KANK3: variants seen among roughly 807,000 people sequenced by gnomAD.
KANK3 encodes KN motif and ankyrin repeat domains 3.
A neutral mutation model predicts 65.4 loss-of-function variants in KANK3; 61 were observed. The observed-to-expected ratio is 0.93, with a 90% CI of 0.76 to 1.15. KANK3 has a LOEUF of 1.15. Ranked by LOEUF, KANK3 falls within the 50% of genes most tolerant of loss-of-function variation. The probability of loss-of-function intolerance (pLI) is 0.00; values close to 1 mark genes in which losing one functional copy is unlikely to be tolerated. For synonymous variants in KANK3, 586 were observed against 543.3 expected, an observed-to-expected ratio of 1.08 and a Z score of -1.09; for missense variants, 1,187 against 1,178.8, an observed-to-expected ratio of 1.01 and a Z score of -0.10.
chr19:8,337,144 T>C (rs1262204345), intron 2 of KANK3, among the ~76,000 whole-genome samples: 9 of 151,498 alleles, frequency 5.9e-5, no homozygotes, highest in African/African-American at 1.9e-4. Context: ...GCAATTCTCC[T>C]GCCTCAGCCT....
chr19:8,333,894 A>T lies in KANK3; in HGVS notation c.1634+16T>A. ...GCAGCCGCCTCCTCTCCAAACAACT[A>T]GCGAGCGCCGCTCACCTCCCCTGTG... is the stretch of plus-strand genomic sequence containing the variant. On this transcript the variant is annotated intron_variant, in intron 5 of 10. Transcript: ENST00000330915. The surrounding 1 kb of genome is among the most constrained non-coding windows in gnomAD (Gnocchi z 5.0). The T allele has an allele frequency of 6.4e-7, 1 of 1,572,028 alleles. No individual in the cohort carries two copies. Among genetic ancestry groups the T allele is most frequent in the Non-Finnish European group, 8.6e-7 (1 of 1,161,278 alleles).
intron 1 of KANK3, among the ~76,000 whole-genome samples, chr19:8,340,524 G>C (rs900104835): frequency 4.6e-5 from 7 of 151,888 alleles, no homozygotes; most frequent in Non-Finnish European, 8.8e-5. Flanking sequence ...CCACTGACAG[G>C]CATCTGCCAA....
chr19:8,328,432 CACTCA>C (rs1970466876), intron 7 of KANK3, among the ~76,000 whole-genome samples: 1 of 138,524 alleles, frequency 7.2e-6, no homozygotes, highest in Non-Finnish European at 1.6e-5. Context: ...CACACACACA[CACTCA>C]AAACTACACA....
At position 8,322,890 on chromosome 19, in the gene KANK3, T is replaced by C; in HGVS notation, c.2415A>G (p.Thr805=). The C allele has an allele frequency of 6.4e-7, 1 of 1,565,878 alleles. No homozygotes were observed. Among genetic ancestry groups the C allele is most frequent in the Non-Finnish European group, 8.6e-7 (1 of 1,156,370 alleles). ...SESPPGSQTA[T]PGEGECGDNG... Reference sequence around the variant, plus strand: ...TGTCACCGCATTCTCCTTCACCAGGTGTGGCTGTCTGGGAGCCAGGGGGTG... The same window carrying C: ...TGTCACCGCATTCTCCTTCACCAGGCGTGGCTGTCTGGGAGCCAGGGGGTG... Residue 805 remains threonine (T), a synonymous_variant, in exon 11 of 11, where the codon ACA becomes ACG. Coordinates refer to ENST00000330915, the MANE Select transcript of KANK3 (RefSeq NM_198471.3).
intron 8 of KANK3, 25 bp from the exon 9 acceptor site, chr19:8,324,855 A>T (rs1970394277): frequency 1.2e-6 from 2 of 1,604,744 alleles, no homozygotes; most frequent in Non-Finnish European, 1.7e-6. Flanking sequence ...GGAAGAGGGA[A>T]CAGGCTGGGG....
chr19:8,322,624 G>A lies in KANK3; in HGVS notation c.*215C>T, dbSNP rs1599636688. ...ATTAGCAAAGAAGTTTCAGAGAGTG[G>A]GTGGATCAGGGCTCTATCACTTGGT... On this transcript the variant is annotated 3_prime_UTR_variant, in exon 11 of 11. Coordinates refer to ENST00000330915, the MANE Select transcript of KANK3 (RefSeq NM_198471.3). 3 of 588,390 alleles carry A rather than the reference G, an allele frequency of 5.1e-6. No homozygotes were observed. The East Asian group carries it at 8.5e-5, about 17-fold the overall frequency. 36.4% of individuals were successfully genotyped at this position (588,390 alleles called of 1,614,324 possible). A position where few individuals can be genotyped will look rare whatever the true frequency, so the allele number is the denominator to read the frequency against.
intron 2 of KANK3, among the ~76,000 whole-genome samples, chr19:8,336,142 G>A (rs1346738846): frequency 6.6e-6 from 1 of 152,210 alleles, no homozygotes; most frequent in Non-Finnish European, 1.5e-5. Flanking sequence ...ACTTTCCTGT[G>A]GAGTGGAGCC....
At chr19:8,329,359 T>G (rs758134207) in intron 7 of KANK3, among the ~76,000 whole-genome samples, 9 of 149,112 alleles carry the variant, frequency 6.0e-5, no homozygotes, top group Non-Finnish European at 8.9e-5. Context: ...TGATGGCGCT[T>G]GCCAGTAATC....
Position 8,324,502 on chromosome 19 carries a change from C to T in KANK3, c.2329G>A (p.Glu777Lys). Residue 777 changes from glutamate to lysine, a missense_variant, in exon 10 of 11, where the codon GAG becomes AAG. Physicochemically the swap from Glu to Lys is moderately conservative, Grantham distance 56. Transcript: ENST00000330915. ...LAIALEAEQD[E>K]VAALLHAHLS... ...TGGGCATGTAGCAGAGCGGCCACCT[C>T]ATCCTGCTCAGCCTCCAGGGCGATG... The T allele has an allele frequency of 6.2e-7, 1 of 1,613,274 alleles. No individual in the cohort carries two copies. The highest frequency in any genetic ancestry group is 8.5e-7 in the Non-Finnish European group (1 of 1,179,684).
In KANK3 at chr19:8,322,719, T is replaced by C. The variant is rs1175842453; in HGVS notation, c.*120A>G. 1 of 738,184 alleles carries C rather than the reference T, an allele frequency of 1.4e-6. No homozygotes were observed. The highest frequency in any genetic ancestry group is 2.2e-6 in the Non-Finnish European group (1 of 448,944). 45.7% of individuals were successfully genotyped at this position (738,184 alleles called of 1,614,324 possible). Reference sequence around the variant, plus strand: ...CAGTCACCCCAACTGAAATTGCCTTTCTCTTCGGCCAGTGTTAGCCTCTGA... The same window carrying C: ...CAGTCACCCCAACTGAAATTGCCTTCCTCTTCGGCCAGTGTTAGCCTCTGA... On this transcript the variant is annotated 3_prime_UTR_variant, in exon 11 of 11. Transcript: ENST00000330915.
chr19:8,335,872 C>CCCACCCA (rs1399494518), intron 2 of KANK3, 80 bp from the exon 3 acceptor site: 21 of 934,426 alleles, frequency 2.2e-5, no homozygotes, highest in Non-Finnish European at 2.9e-5. Flanking sequence ...GAGCGTGTCC[C>CCCACCCA]CCACCCATGC....
At chr19:8,335,829 G>C (rs1970628487) in intron 2 of KANK3, 37 bp from the exon 3 acceptor site, 1 of 1,218,108 alleles carries the variant, frequency 8.2e-7, no homozygotes, top group Middle Eastern at 3.1e-4. Flanking sequence ...GGGCGCATCA[G>C]AACGGGGAAA....
At position 8,334,860 on chromosome 19, in the gene KANK3, G is replaced by A. The variant is rs1343143900; in HGVS notation, c.967C>T (p.Arg323Trp). Residue 323 changes from arginine to tryptophan, a missense_variant, in exon 3 of 11, where the codon CGG (arginine) becomes TGG (tryptophan). Physicochemically the swap from Arg to Trp is moderately radical, Grantham distance 101. This residue lies in a region of KANK3 where 1,078 missense variants were observed against 1,038.2 expected (regional missense o/e 1.04). Coordinates refer to ENST00000330915, the MANE Select transcript of KANK3 (RefSeq NM_198471.3). ...EAGAQAVPET[R>W]EAGVEAAPET... ...GGGGCAGCCTCCACGCCGGCCTCCC[G>A]GGTCTCCGGCACGGCCTGGGCACCC... 1.4e-6 allele frequency: 2 copies of A among 1,463,936 alleles called. No individual in the cohort carries two copies. Among genetic ancestry groups the A allele is most frequent in the African/African-American group, 3.0e-5 (2 of 67,326 alleles). 90.7% of individuals were successfully genotyped at this position (1,463,936 alleles called of 1,614,324 possible). A position where few individuals can be genotyped will look rare whatever the true frequency, so the allele number is the denominator to read the frequency against.
At chr19:8,325,164 C>T in intron 7 of KANK3, 68 bp from the exon 8 acceptor site, 2 of 1,505,688 alleles carry the variant, frequency 1.3e-6, no homozygotes, top group Non-Finnish European at 8.9e-7. Context: ...CACTCACCTC[C>T]CTGCAAGCCT....
In KANK3 at chr19:8,333,575, C is replaced by A. The variant is rs1970568965; in HGVS notation, c.1719+149G>T. 1.5e-6 allele frequency: 1 copy of A among 677,260 alleles called. No homozygotes were observed. The highest frequency in any genetic ancestry group is 1.8e-5 in the African/African-American group (1 of 55,248). 42.0% of individuals were successfully genotyped at this position (677,260 alleles called of 1,614,324 possible). A position where few individuals can be genotyped will look rare whatever the true frequency, so the allele number is the denominator to read the frequency against. ...GAAACCAAGGAAAGATCGGCGCTGT[C>A]CTGGGAAGGAGATCCCTTCGGAGAG... is the stretch of plus-strand genomic sequence containing the variant. On this transcript the variant is annotated intron_variant, in intron 6 of 10. Transcript: ENST00000330915. The surrounding 1 kb of genome is among the most constrained non-coding windows in gnomAD (Gnocchi z 5.0).
At position 8,334,834 on chromosome 19, in the gene KANK3, G is replaced by C; in HGVS notation, c.993C>G (p.Pro331=). 2.0e-6 allele frequency: 3 copies of C among 1,478,282 alleles called. No homozygotes were observed. The highest frequency in any genetic ancestry group is 1.3e-5 in the South Asian group (1 of 78,194). 91.6% of individuals were successfully genotyped at this position (1,478,282 alleles called of 1,614,324 possible). Residue 331 remains proline, a synonymous_variant, in exon 3 of 11, where the codon CCC becomes CCG. Transcript: ENST00000330915. ...ETREAGVEAA[P]ETVEADAWVT... ...CCCACGCGTCCGCCTCCACGGTCTC[G>C]GGGGCAGCCTCCACGCCGGCCTCCC...
chr19:8,335,232 C>G lies in KANK3; in HGVS notation c.595G>C (p.Glu199Gln). Reference sequence around the variant, plus strand: ...AGCGTTCGCGCCTGGTCCTCGAGCTCGCGCAGGCGCCGCAGCGCCGCGGCC... The same window carrying G: ...AGCGTTCGCGCCTGGTCCTCGAGCTGGCGCAGGCGCCGCAGCGCCGCGGCC... ...QMAAALRRLRELEDQARTLPE... is the reference protein window; with the variant it reads ...QMAAALRRLRQLEDQARTLPE... The change falls in exon 3 of 11, where the codon GAG becomes CAG. Residue 199 changes from glutamate (E) to glutamine (Q), a missense_variant. Physicochemically the swap from Glu to Gln is conservative, Grantham distance 29. Coordinates refer to ENST00000330915, the MANE Select transcript of KANK3 (RefSeq NM_198471.3). 1 of 1,226,998 alleles carries G rather than the reference C, an allele frequency of 8.1e-7. No individual in the cohort carries two copies. Among genetic ancestry groups the G allele is most frequent in the Admixed American group, 4.3e-5 (1 of 23,298 alleles). The allele number at this position is 1,226,998 out of a possible 1,614,324, so 76.0% of individuals were successfully genotyped here.
rs779106442 is a variant in KANK3, at chr19:8,334,015, C to T, written c.1529G>A (p.Ser510Asn). 6 of 1,558,644 alleles carry T rather than the reference C, an allele frequency of 3.8e-6. No homozygotes were observed. Among genetic ancestry groups the T allele is most frequent in the Non-Finnish European group, 5.2e-6 (6 of 1,158,540 alleles). ...GGTGCCCGAGTCGGATCCCCCGCCG[C>T]TGTCATCCCCGGAGCCCGAGGAGCT... The part of the protein sequence containing the change: ...PGSSSGSGDD[S>N]GGGSDSGTPG... Residue 510 changes from serine (S) to asparagine (N), a missense_variant, in exon 5 of 11, where the codon AGC becomes AAC. Transcript: ENST00000330915.
At position 8,322,684 on chromosome 19, in the gene KANK3, C is replaced by T. The variant is rs1369116605; in HGVS notation, c.*155G>A. The T allele has an allele frequency of 1.6e-6, 1 of 624,460 alleles. No homozygotes were observed. Among genetic ancestry groups the T allele is most frequent in the Non-Finnish European group, 2.8e-6 (1 of 354,726 alleles). 38.7% of individuals were successfully genotyped at this position (624,460 alleles called of 1,614,324 possible). On this transcript the variant is annotated 3_prime_UTR_variant, in exon 11 of 11. Coordinates refer to ENST00000330915, the MANE Select transcript of KANK3 (RefSeq NM_198471.3). ...ACCTTGGTGGGGCCAGAGTGAGCCC[C>T]TTCCTGCCACAGTCACCCCAACTGA...
Sources: gnomAD v4.1 joint callset for allele counts (sites outside exome capture counted in the v4.1 genomes callset) on GRCh38, gnomAD v4.1.1 for gene constraint, gnomAD v4.1.1 regional missense constraint, Gnocchi (gnomAD v3.1) non-coding constraint, MANE v1.5 for transcripts, NCBI Gene and HGNC (gene_info 2026-07-23, HGNC 2026-07-21) for gene names.